Variants in UBN2 observed in about 807,000 individuals in gnomAD.
UBN2 encodes the protein ubinuclein-2.
A neutral mutation model predicts 120.2 loss-of-function variants in UBN2; 35 were observed. The observed-to-expected ratio is 0.29, with a 90% CI of 0.22 to 0.39. The LOEUF (loss-of-function observed/expected upper bound fraction) is 0.39, where lower values mean the gene tolerates loss of function less well. UBN2 is among the 10% of genes least tolerant of loss of function. The probability of loss-of-function intolerance (pLI) is 1.00; values close to 1 mark genes in which losing one functional copy is unlikely to be tolerated. For synonymous variants in UBN2, 661 were observed against 648.7 expected (o/e 1.02, Z -0.29); for missense variants, 1,693 against 1,663.2 (o/e 1.02, Z -0.31).
chr7:139,244,971 T>A (rs1452995661), intron 2 of UBN2, among the ~76,000 whole-genome samples: 1 of 152,038 alleles, frequency 6.6e-6, no homozygotes, highest in Non-Finnish European at 1.5e-5. Flanking sequence ...AAGGTCTTCA[T>A]CACCCAGACT....
Position 139,302,186 on chromosome 7 carries a change from T to C in UBN2, c.*4350T>C. On this transcript the variant is annotated 3_prime_UTR_variant, in exon 18 of 18. Transcript: ENST00000473989. ...GATTCAGGAGGAAGAATCTCACACT[T>C]GTCAACATCATGTCATGCTGTGTAA... 1 of 152,200 alleles carries C rather than the reference T, an allele frequency of 6.6e-6. No individual in the cohort carries two copies. The highest frequency in any genetic ancestry group is 1.9e-4 in the East Asian group (1 of 5,196). 9.4% of individuals were successfully genotyped at this position (152,200 alleles called of 1,614,324 possible). A position where few individuals can be genotyped will look rare whatever the true frequency, so the allele number is the denominator to read the frequency against.
the UBN2 span, among the ~76,000 whole-genome samples, chr7:139,320,969 C>A: frequency 2.0e-4 from 30 of 152,150 alleles, no homozygotes; most frequent in African/African-American, 7.2e-4. Context: ...CTTCACACAG[C>A]CCGCTTCCTA....
chr7:139,255,248 T>C (rs1170531703), intron 3 of UBN2, among the ~76,000 whole-genome samples: 1 of 152,210 alleles, frequency 6.6e-6, no homozygotes, highest in Non-Finnish European at 1.5e-5. Flanking sequence ...TTTATAGCAT[T>C]TAGGATATTT....
In UBN2 at chr7:139,293,391, G is replaced by A. The variant is rs1289360592; in HGVS notation, c.3829G>A (p.Gly1277Arg). The change falls in exon 16 of 18, where the codon GGA becomes AGA. Residue 1277 changes from glycine to arginine, a missense_variant. By Grantham distance (125) the Gly-to-Arg change is moderately radical (BLOSUM62 -2). Coordinates refer to ENST00000473989, the MANE Select transcript of UBN2 (RefSeq NM_173569.4). Reference protein sequence around the residue: ...FQFPLEIFGFGTDTAGVTTTS... With the variant: ...FQFPLEIFGFRTDTAGVTTTS... The stretch of plus-strand genomic sequence containing the variant: ...GTTTCCCTTGGAGATATTTGGCTTT[G>A]GAACGGACACAGCTGGAGTGACAAC... 3 of 1,614,000 alleles carry A rather than the reference G, an allele frequency of 1.9e-6. No individual in the cohort carries two copies. The highest frequency in any genetic ancestry group is 2.5e-6 in the Non-Finnish European group (3 of 1,180,006).
intron 2 of UBN2, among the ~76,000 whole-genome samples, chr7:139,249,048 ATGT>A (rs1796548539): frequency 6.6e-6 from 1 of 151,142 alleles, no homozygotes; most frequent in African/African-American, 2.5e-5. Flanking sequence ...GCATGTATGC[ATGT>A]TGTTTAAGGT....
intron 17 of UBN2, among the ~76,000 whole-genome samples, chr7:139,295,060 C>G (rs542792107): frequency 1.3e-5 from 2 of 150,852 alleles, no homozygotes; most frequent in African/African-American, 4.9e-5. Context: ...TAGCTGCCCT[C>G]TTAACTTTGG....
At chr7:139,264,744 C>T (rs368969314) in intron 6 of UBN2, among the ~76,000 whole-genome samples, 98 of 152,262 alleles carry the variant, frequency 6.4e-4, no homozygotes, top group African/African-American at 2.3e-3. Context: ...TGCATGCCAC[C>T]ACACCCAGCT....
At chr7:139,297,174 A>G (rs558647437) in intron 17 of UBN2, among the ~76,000 whole-genome samples, 1 of 151,126 alleles carries the variant, frequency 6.6e-6, no homozygotes, top group East Asian at 1.9e-4. Context: ...AGCCTGGGCG[A>G]CAGAGCGAGA....
chr7:139,280,285 G>A (rs1418772934), intron 13 of UBN2, among the ~76,000 whole-genome samples: 1 of 152,022 alleles, frequency 6.6e-6, no homozygotes, highest in Non-Finnish European at 1.5e-5. Flanking sequence ...ATGGAATTTA[G>A]TACATAAAAT....
Position 139,288,445 on chromosome 7 carries a change from A to C in UBN2, c.3669+3871A>C, listed in dbSNP as rs186588964. On this transcript the variant is annotated intron_variant, in intron 15 of 17. Transcript: ENST00000473989. ...GTATGAAGACACTGAGATGGAAAAG[A>C]GCCTGAAGTGAAGGCCTGCATGGCT... Among the ~76,000 whole-genome samples the C allele has an allele frequency of 2.4e-3, 373 of 152,294 alleles. 4 individuals are homozygous for C. The highest frequency in any genetic ancestry group is 8.8e-3 in the African/African-American group (364 of 41,560).
intron 2 of UBN2, among the ~76,000 whole-genome samples, chr7:139,243,648 T>C (rs908125874): frequency 1.3e-5 from 2 of 152,124 alleles, no homozygotes; most frequent in East Asian, 1.9e-4. Context: ...AGAATAGATA[T>C]GGGGTGGTAA....
chr7:139,279,455 C>G, intron 13 of UBN2, 95 bp downstream of exon 13: 1 of 914,732 alleles, frequency 1.1e-6, no homozygotes, highest in Non-Finnish European at 1.7e-6. Context: ...TAGCAGAGGT[C>G]AGTAGGCACT....
chr7:139,268,516 A>ACC (rs141082491), intron 7 of UBN2, among the ~76,000 whole-genome samples: 1 of 150,346 alleles, frequency 6.7e-6, no homozygotes, highest in African/African-American at 2.5e-5. Flanking sequence ...GGAATAGGGA[A>ACC]CCCCCCCTTT....
At chr7:139,252,180 C>G (rs1327657252) in intron 3 of UBN2, 123 bp downstream of exon 3, 1 of 675,340 alleles carries the variant, frequency 1.5e-6, no homozygotes, top group African/African-American at 1.8e-5. Context: ...AAGCCATGTT[C>G]ACTACTTAAA....
chr7:139,324,339 GC>G, the UBN2 span, among the ~76,000 whole-genome samples: 1 of 151,858 alleles, frequency 6.6e-6, no homozygotes, highest in Non-Finnish European at 1.5e-5. Context: ...GGAGGCCGAG[GC>G]GGGAGGATCA....
the UBN2 span, among the ~76,000 whole-genome samples, chr7:139,327,501 G>A: frequency 6.6e-6 from 1 of 152,114 alleles, no homozygotes; most frequent in Non-Finnish European, 1.5e-5. Context: ...CCTTTGTGTT[G>A]TGTCAGAAGG....
At chr7:139,315,717 T>C in the UBN2 span, among the ~76,000 whole-genome samples, 1 of 152,168 alleles carries the variant, frequency 6.6e-6, no homozygotes, top group Non-Finnish European at 1.5e-5. Flanking sequence ...CCAAACTCTT[T>C]TCCATAGTAG....
At chr7:139,259,752 T>C (rs1371408764) in intron 5 of UBN2, among the ~76,000 whole-genome samples, 1 of 152,188 alleles carries the variant, frequency 6.6e-6, no homozygotes, top group Non-Finnish European at 1.5e-5. Context: ...TTAAAAATTT[T>C]GATTTGATTG....
the UBN2 span, among the ~76,000 whole-genome samples, chr7:139,322,575 G>A: frequency 3.5e-5 from 5 of 143,474 alleles, no homozygotes; most frequent in East Asian, 2.0e-4. Context: ...ATGGGGAGAC[G>A]TTTCATTGGA....
Sources: gnomAD v4.1 joint callset for allele counts (sites outside exome capture counted in the v4.1 genomes callset) on GRCh38, gnomAD v4.1.1 for gene constraint, MANE v1.5 for transcripts, NCBI Gene and HGNC (gene_info 2026-07-23, HGNC 2026-07-21) for gene names.